The following ADGRB3 variants were observed in gnomAD, a reference collection of about 807,000 sequenced individuals.
ADGRB3 encodes the protein brain-specific angiogenesis inhibitor 3.
Under a neutral mutation model 193.4 loss-of-function variants are expected in ADGRB3, and 37 were observed. The observed-to-expected ratio is 0.19, with a 90% CI of 0.15 to 0.25. The LOEUF (loss-of-function observed/expected upper bound fraction) is 0.25, where lower values mean the gene tolerates loss of function less well. ADGRB3 is among the 10% of genes least tolerant of loss of function. The pLI is 1.00. For synonymous variants in ADGRB3, 690 were observed against 644.2 expected, an observed-to-expected ratio of 1.07 and a Z score of -1.08; for missense variants, 1,637 against 1,852.9, an observed-to-expected ratio of 0.88 and a Z score of 2.14.
rs924729197 is a variant in ADGRB3, at chr6:68,749,412, G to A, written c.757+109980G>A. Among the ~76,000 whole-genome samples, 741 of 120,078 alleles carry A rather than the reference G, an allele frequency of 6.2e-3. 2 individuals carry two copies. Among genetic ancestry groups the A allele is most frequent in the African/African-American group, 0.028 (712 of 25,222 alleles). The allele number at this position is 120,078 out of a possible 152,430, so 78.8% of individuals were successfully genotyped here. ...CTCCCCTTTATATATATATATATGT[G>A]TGTGTGTGTGTGTGTGTGTGTGTGT... On this transcript the variant is annotated intron_variant, in intron 3 of 31. Transcript: ENST00000370598.
intron 17 of ADGRB3, among the ~76,000 whole-genome samples, chr6:69,161,039 T>G (rs1352910646): frequency 6.6e-6 from 1 of 152,138 alleles, no homozygotes; most frequent in Non-Finnish European, 1.5e-5. Context: ...AGTTAGTTTA[T>G]CTTTCTAAAA....
At chr6:69,171,973 G>C (rs953986114) in intron 17 of ADGRB3, among the ~76,000 whole-genome samples, 1 of 152,164 alleles carries the variant, frequency 6.6e-6, no homozygotes, top group African/African-American at 2.4e-5. Context: ...GACATGCAAA[G>C]GAATTATTAC....
At chr6:69,319,174 C>A (rs1039770756) in intron 20 of ADGRB3, among the ~76,000 whole-genome samples, 2 of 151,128 alleles carry the variant, frequency 1.3e-5, no homozygotes, top group Admixed American at 1.3e-4. Context: ...CACAAGTTTT[C>A]ATATATATGC....
intron 17 of ADGRB3, among the ~76,000 whole-genome samples, chr6:69,098,606 T>G (rs1036945230): frequency 6.6e-6 from 1 of 152,098 alleles, no homozygotes; most frequent in Non-Finnish European, 1.5e-5. Flanking sequence ...GAGAACTCAC[T>G]CACTATCATG....
At chr6:69,252,203 A>G (rs1363415281) in intron 20 of ADGRB3, among the ~76,000 whole-genome samples, 2 of 152,116 alleles carry the variant, frequency 1.3e-5, no homozygotes, top group Non-Finnish European at 2.9e-5. Context: ...ATTTTCTTTG[A>G]GAAGCAACTA....
intron 7 of ADGRB3, 33 bp downstream of exon 7, chr6:68,956,221 C>A: frequency 6.4e-7 from 1 of 1,569,420 alleles, no homozygotes; most frequent in South Asian, 1.2e-5. Context: ...CATGGGCACT[C>A]GTACCATGTA....
chr6:69,360,907 A>G lies in ADGRB3; in HGVS notation c.3634A>G (p.Ile1212Val), dbSNP rs1328937474. The G allele has an allele frequency of 1.1e-5, 17 of 1,611,636 alleles. No individual in the cohort carries two copies. The highest frequency in any genetic ancestry group is 4.2e-6 in the Non-Finnish European group (5 of 1,178,558). Reference protein sequence around the residue: ...KDIGPCRAATITGTLSRISLN... With the variant: ...KDIGPCRAATVTGTLSRISLN... ...TATTGGTCCTTGCCGAGCAGCCACAATAACAGGAACACTTTCTAGGATTTC... is the reference window on the plus strand; with the variant it reads ...TATTGGTCCTTGCCGAGCAGCCACAGTAACAGGAACACTTTCTAGGATTTC... Residue 1212 changes from isoleucine to valine, a missense_variant, in exon 29 of 32, where the codon ATA becomes GTA. This residue lies in a region of ADGRB3 where 116 missense variants were observed against 168.1 expected (regional missense o/e 0.69). Coordinates refer to ENST00000370598, the MANE Select transcript of ADGRB3 (RefSeq NM_001704.3).
intron 3 of ADGRB3, among the ~76,000 whole-genome samples, chr6:68,802,658 C>T (rs1235751235): frequency 6.6e-6 from 1 of 152,100 alleles, no homozygotes; most frequent in Admixed American, 6.5e-5. Context: ...CTTAATGAAT[C>T]CATTTAAACA....
chr6:68,941,367 T>A (rs1160570816), intron 5 of ADGRB3, among the ~76,000 whole-genome samples: 1 of 152,196 alleles, frequency 6.6e-6, no homozygotes, highest in Non-Finnish European at 1.5e-5. Flanking sequence ...TTTAAAATGA[T>A]GTGAATGAGC....
chr6:68,866,323 T>A (rs2150217188), intron 3 of ADGRB3, among the ~76,000 whole-genome samples: 1 of 152,302 alleles, frequency 6.6e-6, no homozygotes, highest in South Asian at 2.1e-4. Flanking sequence ...CCCCCCTTGC[T>A]CCCTTTCTTT....
chr6:69,361,547 T>C (rs1769451857), intron 29 of ADGRB3, 35 bp downstream of exon 29: 1 of 1,580,042 alleles, frequency 6.3e-7, no homozygotes, highest in African/African-American at 1.4e-5. Context: ...TCCTTGATAG[T>C]TGAAATATGA....
intron 3 of ADGRB3, among the ~76,000 whole-genome samples, chr6:68,898,646 A>C (rs1012359513): frequency 6.6e-6 from 1 of 152,120 alleles, no homozygotes; most frequent in Non-Finnish European, 1.5e-5. Context: ...CAAAGAGTAC[A>C]GTGTGGAAAA....
intron 20 of ADGRB3, among the ~76,000 whole-genome samples, chr6:69,240,280 C>G (rs1435737241): frequency 6.6e-6 from 1 of 151,954 alleles, no homozygotes; most frequent in Non-Finnish European, 1.5e-5. Context: ...CCCACATTGC[C>G]CTAGGCCAGG....
chr6:68,677,902 T>C (rs1200293350), intron 3 of ADGRB3, among the ~76,000 whole-genome samples: 1 of 152,180 alleles, frequency 6.6e-6, no homozygotes, highest in Non-Finnish European at 1.5e-5. Context: ...ATCAAGTGGG[T>C]GCTACATGAA....
At chr6:69,119,795 A>C (rs2150329117) in intron 17 of ADGRB3, among the ~76,000 whole-genome samples, 1 of 152,332 alleles carries the variant, frequency 6.6e-6, no homozygotes, top group East Asian at 1.9e-4. Flanking sequence ...GCTATTACAA[A>C]AACTTGGAAA....
chr6:69,149,467 A>G (rs1774604418), intron 17 of ADGRB3, among the ~76,000 whole-genome samples: 7 of 152,086 alleles, frequency 4.6e-5, no homozygotes, highest in Admixed American at 4.6e-4. Context: ...TGAATTTCCA[A>G]GTTTCCTCAA....
chr6:68,725,085 G>T (rs1032150699), intron 3 of ADGRB3, among the ~76,000 whole-genome samples: 1 of 151,622 alleles, frequency 6.6e-6, no homozygotes, highest in African/African-American at 2.4e-5. Context: ...AAAAGCATTG[G>T]TATAGTCTAG....
intron 3 of ADGRB3, among the ~76,000 whole-genome samples, chr6:68,711,718 T>C (rs1765412061): frequency 6.6e-6 from 1 of 152,124 alleles, no homozygotes; most frequent in East Asian, 1.9e-4. Context: ...TGCTTGATGG[T>C]CCATTTCTCT....
intron 17 of ADGRB3, among the ~76,000 whole-genome samples, chr6:69,111,522 C>T (rs1773365929): frequency 6.6e-6 from 1 of 152,174 alleles, no homozygotes; most frequent in Non-Finnish European, 1.5e-5. Context: ...ACGGAAGCCT[C>T]ATAGAGAAAC....
Sources: gnomAD v4.1 joint callset for allele counts (sites outside exome capture counted in the v4.1 genomes callset) on GRCh38, gnomAD v4.1.1 for gene constraint, gnomAD v4.1.1 regional missense constraint, MANE v1.5 for transcripts, NCBI Gene and HGNC (gene_info 2026-07-23, HGNC 2026-07-21) for gene names.